SESN3: variants seen among roughly 807,000 people sequenced by gnomAD.
SESN3 encodes the protein sestrin 3, also known as sestrin-3.
In SESN3, 21 loss-of-function variants were observed where a neutral mutation model predicts 55.3. The ratio of observed to expected loss-of-function variants is 0.38; its 90% confidence interval spans 0.27 to 0.55. The LOEUF (loss-of-function observed/expected upper bound fraction) is 0.55. Ranked by LOEUF, SESN3 falls within the 20% of genes least tolerant of loss-of-function variation. SESN3 has a pLI of 0.76. For synonymous variants in SESN3, 181 were observed against 203.1 expected (o/e 0.89, Z 0.93); for missense variants, 408 against 604.3 (o/e 0.68, Z 3.41).
At chr11:95,213,431 T>C (rs138351312) in intron 1 of SESN3, among the ~76,000 whole-genome samples, 18 of 152,352 alleles carry the variant, frequency 1.2e-4, no homozygotes, top group African/African-American at 4.1e-4. Flanking sequence ...GATGACAATG[T>C]GGTCTTATTC....
intron 1 of SESN3, among the ~76,000 whole-genome samples, chr11:95,208,466 C>T (rs566129717): frequency 3.8e-4 from 57 of 151,390 alleles, no homozygotes; most frequent in African/African-American, 1.1e-3. Flanking sequence ...CATCAGTGTG[C>T]GAAATGTGTT....
intron 1 of SESN3, among the ~76,000 whole-genome samples, chr11:95,228,733 T>C (rs1352076213): frequency 6.6e-6 from 1 of 152,186 alleles, no homozygotes; most frequent in Non-Finnish European, 1.5e-5. Context: ...ACTGCATGAA[T>C]CAATATTAAA....
rs1253284898 is a variant in SESN3, at chr11:95,230,322, A to G, written c.78+461T>C. ...GCGCAAGGCAGAAGCAACCGAATAA[A>G]CAAAAACAACACTCGCAAGAGTTAG... On this transcript the variant is annotated intron_variant, in intron 1 of 9. Transcript: ENST00000536441. This position sits in a 1 kb window ranked among gnomAD's most constrained non-coding sequence, Gnocchi z 4.6. The G allele has an allele frequency of 6.3e-6, 1 of 158,464 alleles. No homozygotes were observed. The highest frequency in any genetic ancestry group is 1.9e-4 in the East Asian group (1 of 5,232). The allele number at this position is 158,464 out of a possible 1,614,324, so 9.8% of individuals were successfully genotyped here.
chr11:95,184,970 A>G (rs1860136317), intron 5 of SESN3, among the ~76,000 whole-genome samples: 2 of 152,044 alleles, frequency 1.3e-5, no homozygotes, highest in Non-Finnish European at 2.9e-5. Flanking sequence ...ATACAAGTAT[A>G]TTGTTTTGGG....
intron 1 of SESN3, among the ~76,000 whole-genome samples, chr11:95,229,386 C>T (rs1861008406): frequency 6.6e-6 from 1 of 152,120 alleles, no homozygotes; most frequent in Non-Finnish European, 1.5e-5. Flanking sequence ...TGCACATACT[C>T]AACATGCACA....
Position 95,191,385 on chromosome 11 carries a change from T to G in SESN3, c.342+19A>C, listed in dbSNP as rs374635663. 3 of 1,578,742 alleles carry G rather than the reference T, an allele frequency of 1.9e-6. No individual in the cohort carries two copies. In the Admixed American group the frequency reaches 5.0e-5, roughly 26 times the overall value. On this transcript the variant is annotated intron_variant, in intron 3 of 9. Transcript: ENST00000536441. The stretch of plus-strand genomic sequence containing the variant: ...AAGTGAGGAAGGTGTTATGTGAACA[T>G]AGGAAAATAAGCACCCACCATTATT...
intron 1 of SESN3, among the ~76,000 whole-genome samples, chr11:95,197,684 C>T (rs1169322492): frequency 6.6e-6 from 1 of 152,200 alleles, no homozygotes; most frequent in East Asian, 1.9e-4. Flanking sequence ...ATTATTCTTT[C>T]AAGTCAATGT....
In SESN3 at chr11:95,167,622, A is replaced by G. The variant is rs1859775295; in HGVS notation, c.*5633T>C. On this transcript the variant is annotated 3_prime_UTR_variant, in exon 10 of 10. Coordinates refer to ENST00000536441, the MANE Select transcript of SESN3 (RefSeq NM_144665.4). ...GTCTCATTTCTTAACTAGGATGTCA[A>G]TTCATTCCTGAGCCCTGAAAGGCAT... is the stretch of plus-strand genomic sequence containing the variant. The G allele has an allele frequency of 6.6e-6, 1 of 152,166 alleles. No individual in the cohort carries two copies. Among genetic ancestry groups the G allele is most frequent in the Non-Finnish European group, 1.5e-5 (1 of 68,022 alleles). 9.4% of individuals were successfully genotyped at this position (152,166 alleles called of 1,614,324 possible). A position where few individuals can be genotyped will look rare whatever the true frequency, so the allele number is the denominator to read the frequency against.
chr11:95,199,090 G>T (rs1274548370), intron 1 of SESN3, among the ~76,000 whole-genome samples: 5 of 151,930 alleles, frequency 3.3e-5, no homozygotes, highest in Admixed American at 6.6e-5. Context: ...AAGAATGAAA[G>T]AAATTATCTA....
At chr11:95,214,094 G>C (rs1176088660) in intron 1 of SESN3, among the ~76,000 whole-genome samples, 2 of 152,142 alleles carry the variant, frequency 1.3e-5, no homozygotes, top group East Asian at 3.9e-4. Context: ...AAAGCTGACT[G>C]TCCATTGCCA....
chr11:95,176,867 G>T (rs1258090521), intron 8 of SESN3, among the ~76,000 whole-genome samples: 2 of 152,046 alleles, frequency 1.3e-5, no homozygotes, highest in Non-Finnish European at 2.9e-5. Context: ...GTCTAGCATG[G>T]TAAATGGACA....
intron 1 of SESN3, among the ~76,000 whole-genome samples, chr11:95,227,979 G>A (rs1007884379): frequency 5.3e-5 from 8 of 152,120 alleles, no homozygotes; most frequent in Non-Finnish European, 1.0e-4. Context: ...AAGAGTTAGG[G>A]ATTTCAGGAT....
chr11:95,203,416 C>T (rs1020497061), intron 1 of SESN3, among the ~76,000 whole-genome samples: 1 of 152,098 alleles, frequency 6.6e-6, no homozygotes, highest in Non-Finnish European at 1.5e-5. Context: ...TTTCACACAG[C>T]CCCCCAGGAT....
At chr11:95,214,856 G>A (rs1011775845) in intron 1 of SESN3, among the ~76,000 whole-genome samples, 12 of 152,082 alleles carry the variant, frequency 7.9e-5, no homozygotes, top group Non-Finnish European at 1.3e-4. Context: ...AAGCAAGCAC[G>A]TCCAAGAGAT....
At chr11:95,201,413 G>A (rs1331048000) in intron 1 of SESN3, 17 of 152,082 alleles carry the variant, frequency 1.1e-4, no homozygotes, top group Non-Finnish European at 2.5e-4. Flanking sequence ...ATAGCAAAGG[G>A]CAGCTAATGA....
chr11:95,173,160 C>A lies in SESN3; in HGVS notation c.*95G>T. 2.4e-5 allele frequency: 16 copies of A among 665,828 alleles called. No homozygotes were observed. The highest frequency in any genetic ancestry group is 5.4e-5 in the East Asian group (2 of 37,154). The allele number at this position is 665,828 out of a possible 1,614,324, so 41.2% of individuals were successfully genotyped here. ...ACGGCTAAACTTTGACACTAGAGAA[C>A]TGAATAATTTTTGATGCTATATCAC... is the stretch of plus-strand genomic sequence containing the variant. On this transcript the variant is annotated 3_prime_UTR_variant, in exon 10 of 10. Transcript: ENST00000536441.
intron 1 of SESN3, among the ~76,000 whole-genome samples, chr11:95,218,616 A>T (rs923670536): frequency 6.6e-6 from 1 of 151,106 alleles, no homozygotes; most frequent in Non-Finnish European, 1.5e-5. Flanking sequence ...CTGTTTCTAC[A>T]TTCCCATCTA....
chr11:95,185,088 A>G (rs1860138326), intron 5 of SESN3, among the ~76,000 whole-genome samples, 168 bp downstream of exon 5: 1 of 152,116 alleles, frequency 6.6e-6, no homozygotes, highest in Non-Finnish European at 1.5e-5. Flanking sequence ...AAGCCTCTTT[A>G]AAATAAATCA....
intron 1 of SESN3, among the ~76,000 whole-genome samples, chr11:95,228,813 G>A (rs1038804615): frequency 2.0e-5 from 3 of 152,166 alleles, no homozygotes; most frequent in Non-Finnish European, 4.4e-5. Flanking sequence ...ACGAAAATGT[G>A]AATACTCTTT....
Sources: gnomAD v4.1 joint callset for allele counts (sites outside exome capture counted in the v4.1 genomes callset) on GRCh38, gnomAD v4.1.1 for gene constraint, Gnocchi (gnomAD v3.1) non-coding constraint, MANE v1.5 for transcripts, NCBI Gene and HGNC (gene_info 2026-07-23, HGNC 2026-07-21) for gene names.